The following TFEC variants were observed in gnomAD, a reference collection of about 807,000 sequenced individuals.
TFEC encodes class E basic helix-loop-helix protein 34.
A neutral mutation model predicts 41.6 loss-of-function variants in TFEC; 31 were observed. The observed-to-expected ratio is 0.74, with a 90% CI of 0.56 to 1.01. TFEC has a LOEUF of 1.01. TFEC is among the 50% of genes least tolerant of loss of function. The probability of loss-of-function intolerance (pLI) is 0.00; values close to 1 mark genes in which losing one functional copy is unlikely to be tolerated. For missense variants in TFEC, 402 were observed against 404.1 expected (o/e 0.99, Z 0.04); for synonymous variants, 143 against 140.6 (o/e 1.02, Z -0.12).
chr7:116,001,270 G>C (rs1173850755), intron 1 of TFEC, among the ~76,000 whole-genome samples: 3 of 152,074 alleles, frequency 2.0e-5, no homozygotes, highest in Non-Finnish European at 4.4e-5. Context: ...ATGACAATAT[G>C]ACCCTATCTC....
At chr7:116,095,266 C>G (rs1333872764) in intron 3 of TFEC, among the ~76,000 whole-genome samples, 1 of 152,046 alleles carries the variant, frequency 6.6e-6, no homozygotes, top group Non-Finnish European at 1.5e-5. Context: ...TAAAGTTTTT[C>G]TGTTTTATTG....
intron 3 of TFEC, among the ~76,000 whole-genome samples, chr7:116,092,210 C>T (rs1797345032): frequency 6.6e-6 from 1 of 152,148 alleles, no homozygotes; most frequent in Non-Finnish European, 1.5e-5. Flanking sequence ...CTCGAAAGCA[C>T]TTTCACATTG....
intron 4 of TFEC, among the ~76,000 whole-genome samples, chr7:115,955,287 C>T (rs1263708554): frequency 1.3e-5 from 2 of 152,040 alleles, no homozygotes; most frequent in African/African-American, 4.8e-5. Flanking sequence ...ATAAATAAGG[C>T]TGACCTGTGA....
intron 3 of TFEC, among the ~76,000 whole-genome samples, chr7:116,091,959 G>C (rs1797339018): frequency 6.6e-6 from 1 of 151,876 alleles, no homozygotes; most frequent in South Asian, 2.1e-4. Context: ...AAACAAAATA[G>C]CTTCTGGGCT....
At chr7:116,018,180 C>G (rs552262855) in intron 1 of TFEC, among the ~76,000 whole-genome samples, 1 of 152,230 alleles carries the variant, frequency 6.6e-6, no homozygotes, top group South Asian at 2.1e-4. Context: ...TATTACTATC[C>G]TGGTTCAGTG....
chr7:115,942,991 GA>G (rs1289208292), intron 6 of TFEC, among the ~76,000 whole-genome samples: 7 of 152,090 alleles, frequency 4.6e-5, no homozygotes, highest in Admixed American at 6.6e-5. Context: ...CACAGGTAGG[GA>G]AATATAACAT....
rs1177281126 is a variant in TFEC at position 116,098,874 on chromosome 7, G to C, written c.198+11834C>G. On this transcript the variant is annotated intron_variant, in intron 3 of 8. Coordinates refer to the TFEC transcript ENST00000484212. ...AAGAAAGAGAGAGGAAGAAAAGGAA[G>C]GAAGGAAGGAAGGAAGGAAGGAAGG... 1.7e-5 allele frequency among the ~76,000 whole-genome samples: 2 copies of C among 115,590 alleles called. 1 individual carries two copies. Among genetic ancestry groups the C allele is most frequent in the South Asian group, 6.0e-4 (2 of 3,348 alleles). 75.8% of individuals were successfully genotyped at this position (115,590 alleles called of 152,430 possible). A position where few individuals can be genotyped will look rare whatever the true frequency, so the allele number is the denominator to read the frequency against.
rs59837170 is a variant in TFEC at position 116,147,878 on chromosome 7, A to G, written c.-69+11912T>C. Among the ~76,000 whole-genome samples, 278 of 152,308 alleles carry G rather than the reference A, an allele frequency of 1.8e-3. 2 individuals are homozygous for G. The highest frequency in any genetic ancestry group is 6.4e-3 in the African/African-American group (268 of 41,574). ...GATAGTGATGAGAATCCATCAGTGGATAAAATAGACAAAAAATATTCCTGC... is the reference window on the plus strand; with the variant it reads ...GATAGTGATGAGAATCCATCAGTGGGTAAAATAGACAAAAAATATTCCTGC... On this transcript the variant is annotated intron_variant, in intron 1 of 8. Transcript: ENST00000484212.
At chr7:116,089,643 C>T (rs912152223) in intron 3 of TFEC, among the ~76,000 whole-genome samples, 5 of 151,960 alleles carry the variant, frequency 3.3e-5, no homozygotes, top group Non-Finnish European at 7.4e-5. Context: ...TCATATAAGG[C>T]AGCTTGCTTC....
In TFEC at chr7:115,935,631, T is replaced by C. The variant is rs1016295193; in HGVS notation, c.*4920A>G. ...CAAAATCAGTCTCTTCTTTTATTTGTATATTTTGTCTGCTACATAAACTAC... is the reference window on the plus strand; with the variant it reads ...CAAAATCAGTCTCTTCTTTTATTTGCATATTTTGTCTGCTACATAAACTAC... On this transcript the variant is annotated 3_prime_UTR_variant, in exon 8 of 8. Coordinates refer to ENST00000265440, the MANE Select transcript of TFEC (RefSeq NM_012252.4). 6.6e-6 allele frequency: 1 copy of C among 151,684 alleles called. No homozygotes were observed. The highest frequency in any genetic ancestry group is 1.9e-4 in the East Asian group (1 of 5,192). 9.4% of individuals were successfully genotyped at this position (151,684 alleles called of 1,614,324 possible).
upstream of TFEC, among the ~76,000 whole-genome samples, chr7:116,035,383 A>G (rs1326674974): frequency 1.3e-5 from 2 of 152,078 alleles, no homozygotes; most frequent in Non-Finnish European, 2.9e-5. Context: ...CTTGAAAGAT[A>G]CAGAATTAAG....
chr7:116,003,961 A>C (rs1339722217), intron 1 of TFEC, among the ~76,000 whole-genome samples: 1 of 152,150 alleles, frequency 6.6e-6, no homozygotes. Context: ...CAACATTCTA[A>C]AATTTGTGAG....
At chr7:116,044,131 CAGA>C (rs532882158) in intron 3 of TFEC, among the ~76,000 whole-genome samples, 21 of 152,120 alleles carry the variant, frequency 1.4e-4, no homozygotes, top group Non-Finnish European at 2.1e-4. Flanking sequence ...AAGTTTTACT[CAGA>C]AGTTGTAAAC....
rs553745609 is a variant in TFEC at position 116,150,549 on chromosome 7, T to C, written c.-69+9241A>G. 5.3e-5 allele frequency among the ~76,000 whole-genome samples: 8 copies of C among 152,112 alleles called. No homozygotes were observed. In the South Asian group the frequency reaches 1.5e-3, roughly 28 times the overall value. ...AAATAAAAACTATGACCTACCTTTC[T>C]GCTTGACAACCAAACCACCACAGTC... On this transcript the variant is annotated intron_variant, in intron 1 of 8. Transcript: ENST00000484212.
intron 3 of TFEC, among the ~76,000 whole-genome samples, chr7:115,971,983 A>G (rs1793153787): frequency 6.6e-6 from 1 of 152,060 alleles, no homozygotes; most frequent in Admixed American, 6.6e-5. Flanking sequence ...TGGCTAATAT[A>G]CTTACTCAAA....
exon 3 of TFEC, chr7:116,110,744 T>C (rs1797835245): frequency 1.3e-6 from 2 of 1,528,822 alleles, no homozygotes; most frequent in East Asian, 5.0e-5. Flanking sequence ...AATAAATTTG[T>C]GGTCTTGCTG....
In TFEC at chr7:115,941,112, C is replaced by T. The variant is rs1313573760; in HGVS notation, c.664-181G>A. On this transcript the variant is annotated intron_variant, in intron 7 of 7. Transcript: ENST00000265440. The stretch of plus-strand genomic sequence containing the variant: ...TACATTTCTGATGCATGAAAAATAA[C>T]TCTGAGAAAATTACTCAGACTTTTT... The T allele has an allele frequency of 7.8e-6, 5 of 638,130 alleles. No homozygotes were observed. The South Asian group carries it at 1.2e-4, about 15-fold the overall frequency. 39.5% of individuals were successfully genotyped at this position (638,130 alleles called of 1,614,324 possible).
chr7:115,958,293 AT>A (rs1792344496), intron 3 of TFEC, among the ~76,000 whole-genome samples: 1 of 151,918 alleles, frequency 6.6e-6, no homozygotes, highest in East Asian at 1.9e-4. Context: ...CAAAAAGCAG[AT>A]GTTTTTCTAA....
At chr7:115,941,679 A>T (rs543256351) in intron 7 of TFEC, 3 of 588,390 alleles carry the variant, frequency 5.1e-6, no homozygotes, top group East Asian at 5.6e-5. Flanking sequence ...ACATATATAC[A>T]TATATACATA....
Sources: allele counts gnomAD v4.1 joint callset (sites outside exome capture counted in the v4.1 genomes callset), GRCh38; gene constraint gnomAD v4.1.1; transcripts MANE v1.5; gene names NCBI Gene and HGNC (gene_info 2026-07-23, HGNC 2026-07-21).